Variants in SPSB2 observed in about 807,000 individuals in gnomAD.
The protein encoded by SPSB2 is splA/ryanodine receptor domain and SOCS box containing 2.
Under a neutral mutation model 19.2 loss-of-function variants are expected in SPSB2, and 25 were observed. The observed-to-expected ratio is 1.30, with a 90% CI of 0.95 to 1.82. The LOEUF is 1.82. Ranked by LOEUF, SPSB2 falls within the 40% of genes most tolerant of loss-of-function variation. The probability of loss-of-function intolerance (pLI) is 0.00; values close to 1 mark genes in which losing one functional copy is unlikely to be tolerated. For synonymous variants in SPSB2, 153 were observed against 154.9 expected (o/e 0.99, Z 0.09); for missense variants, 413 against 344.9 (o/e 1.20, Z -1.56).
rs1252890531 is a variant in SPSB2 at position 6,873,105 on chromosome 12, G to GCCC, written c.-96-111_-96-109dup. ...ACGGGCCCGCTCCTCCCTCCTCGCT[G>GCCC]CCCCAAAGCTCCTGGGCCCTTCATC... On this transcript the variant is annotated intron_variant, in intron 1 of 2. Coordinates refer to ENST00000524270, the MANE Select transcript of SPSB2 (RefSeq NM_032641.4). 3 of 554,224 alleles carry GCCC rather than the reference G, an allele frequency of 5.4e-6. No homozygotes were observed. In the African/African-American group the frequency reaches 5.6e-5, roughly 10 times the overall value. 34.3% of individuals were successfully genotyped at this position (554,224 alleles called of 1,614,324 possible).
Position 6,871,318 on chromosome 12 carries a change from C to G in SPSB2, c.666G>C (p.Ala222=). The change falls in exon 3 of 3, where the codon GCG becomes GCC. Residue 222 remains alanine, a splice_region_variant and synonymous_variant. Coordinates refer to ENST00000524270, the MANE Select transcript of SPSB2 (RefSeq NM_032641.4). ...TCAGGTGCAGAAGGGAGTGTGGCTC[C>G]GCTGGGAGAGAGAAGGAGGGGAATG... ...VRIRYLGERR[A]EPHSLLHLSR... 2 of 1,612,276 alleles carry G rather than the reference C, an allele frequency of 1.2e-6. No individual in the cohort carries two copies. Among genetic ancestry groups the G allele is most frequent in the Middle Eastern group, 3.3e-4 (2 of 6,052 alleles).
chr12:6,872,570 G>C lies in SPSB2; in HGVS notation c.332C>G (p.Ala111Gly), dbSNP rs782373054. 6.2e-7 allele frequency: 1 copy of C among 1,608,572 alleles called. No homozygotes were observed. The change falls in exon 2 of 3, where the codon GCC (alanine) becomes GGC (glycine). Residue 111 changes from alanine to glycine, a missense_variant. Ala to Gly is a moderately conservative substitution (Grantham distance 60). Coordinates refer to ENST00000524270, the MANE Select transcript of SPSB2 (RefSeq NM_032641.4). ...GTGGTCAGTCTGCAGCGGGGCGAGG[G>C]CCGTGGCCACGCCCACCACGGCATG... Reference protein sequence around the residue: ...GTHAVVGVATALAPLQTDHYA... With the variant: ...GTHAVVGVATGLAPLQTDHYA...
chr12:6,871,241 G>GAC lies in SPSB2; in HGVS notation c.741_742dup (p.Ser248CysfsTer10), dbSNP rs1555133314. Reference sequence around the variant, plus strand: ...CATGGCAGGGGGCAAGGGCAGGGCAGACACCTGGCCGAGCCGGGTATCCCC... The same window carrying GAC: ...CATGGCAGGGGGCAAGGGCAGGGCAGACACACCTGGCCGAGCCGGGTATCCCC... On this transcript the variant is annotated frameshift_variant, in exon 3 of 3. Coordinates refer to ENST00000524270, the MANE Select transcript of SPSB2 (RefSeq NM_032641.4). LOFTEE classifies it high-confidence loss of function. 6.2e-7 allele frequency: 1 copy of GAC among 1,612,930 alleles called. No homozygotes were observed. Among genetic ancestry groups the GAC allele is most frequent in the Non-Finnish European group, 8.5e-7 (1 of 1,179,498 alleles).
In SPSB2 at chr12:6,871,252, G is replaced by C. The variant is rs782625239; in HGVS notation, c.732C>G (p.Leu244=). 2 of 1,613,602 alleles carry C rather than the reference G, an allele frequency of 1.2e-6. No homozygotes were observed. The highest frequency in any genetic ancestry group is 1.7e-6 in the Non-Finnish European group (2 of 1,179,818). The change falls in exon 3 of 3, where the codon CTC becomes CTG. Residue 244 remains leucine, a synonymous_variant. Transcript: ENST00000524270. ...GCAAGGGCAGGGCAGACACCTGGCC[G>C]AGCCGGGTATCCCCCAGGTTGTGGC... ...CVRHNLGDTR[L]GQVSALPLPP... is the part of the protein sequence containing the mutation.
In SPSB2 at chr12:6,872,586, C is replaced by G; in HGVS notation, c.316G>C (p.Val106Leu). ...GGGGCGAGGGCCGTGGCCACGCCCA[C>G]CACGGCATGCGTGCCCCTCTGCTCT... Reference protein sequence around the residue: ...PLEQRGTHAVVGVATALAPLQ... With the variant: ...PLEQRGTHAVLGVATALAPLQ... Residue 106 changes from valine (V) to leucine (L), a missense_variant, in exon 2 of 3, where the codon GTG (valine) becomes CTG (leucine). Transcript: ENST00000524270. The G allele has an allele frequency of 6.2e-7, 1 of 1,608,044 alleles. No individual in the cohort carries two copies. The highest frequency in any genetic ancestry group is 8.5e-7 in the Non-Finnish European group (1 of 1,178,758).
intron 2 of SPSB2, 131 bp from the exon 3 acceptor site, chr12:6,871,450 T>C: frequency 1.0e-6 from 1 of 998,596 alleles, no homozygotes; most frequent in East Asian, 2.6e-5. Context: ...GAAAGGGGAA[T>C]TTGAGATACC....
rs782387142 is a variant in SPSB2 at position 6,872,652 on chromosome 12, A to T, written c.250T>A (p.Tyr84Asn). 2 of 1,612,098 alleles carry T rather than the reference A, an allele frequency of 1.2e-6. No homozygotes were observed. Among genetic ancestry groups the T allele is most frequent in the Non-Finnish European group, 1.7e-6 (2 of 1,179,970 alleles). ...TCCCAGGCGTGCAGGCCCCTTGAAT[A>T]GCCCCTCTTACCCCGGGCCCCATCA... ...STDGARGKRG[Y>N]SRGLHAWEIS... is the part of the protein sequence containing the mutation. The change falls in exon 2 of 3, where the codon TAT becomes AAT. Residue 84 changes from tyrosine (Y) to asparagine (N), a missense_variant. Coordinates refer to ENST00000524270, the MANE Select transcript of SPSB2 (RefSeq NM_032641.4).
In SPSB2 at chr12:6,872,651, T is replaced by TAGCC. The variant is rs782432201; in HGVS notation, c.247_250dup (p.Tyr84TrpfsTer36). 1 of 1,612,086 alleles carries TAGCC rather than the reference T, an allele frequency of 6.2e-7. No homozygotes were observed. The highest frequency in any genetic ancestry group is 1.7e-5 in the Admixed American group (1 of 60,028). On this transcript the variant is annotated frameshift_variant, in exon 2 of 3. Coordinates refer to ENST00000524270, the MANE Select transcript of SPSB2 (RefSeq NM_032641.4). LOFTEE classifies it high-confidence loss of function. ...CTCCCAGGCGTGCAGGCCCCTTGAATAGCCCCTCTTACCCCGGGCCCCATC... is the reference window on the plus strand; with the variant it reads ...CTCCCAGGCGTGCAGGCCCCTTGAATAGCCAGCCCCTCTTACCCCGGGCCCCATC...
intron 2 of SPSB2, chr12:6,872,020 A>T: frequency 6.8e-7 from 1 of 1,469,624 alleles, no homozygotes; most frequent in Non-Finnish European, 9.0e-7. Flanking sequence ...GGCCAAGAGA[A>T]CTTGAGAAAG....
In SPSB2 at chr12:6,872,679, T is replaced by C; in HGVS notation, c.223A>G (p.Thr75Ala). 1 of 1,612,626 alleles carries C rather than the reference T, an allele frequency of 6.2e-7. No homozygotes were observed. The highest frequency in any genetic ancestry group is 1.1e-5 in the South Asian group (1 of 91,090). Residue 75 changes from threonine to alanine, a missense_variant, in exon 2 of 3, where the codon ACT becomes GCT. Physicochemically the swap from Thr to Ala is moderately conservative, Grantham distance 58. Coordinates refer to ENST00000524270, the MANE Select transcript of SPSB2 (RefSeq NM_032641.4). ...CCCCTCTTACCCCGGGCCCCATCAG[T>C]GCTCTGGGCCACGGGCCGCCGCTCA... Reference protein sequence around the residue: ...YFERRPVAQSTDGARGKRGYS... With the variant: ...YFERRPVAQSADGARGKRGYS...
chr12:6,873,072 G>A, intron 1 of SPSB2, 75 bp from the exon 2 acceptor site: 1 of 568,980 alleles, frequency 1.8e-6, no homozygotes, highest in Non-Finnish European at 3.1e-6. Flanking sequence ...TTTCACCCAA[G>A]TTTGCCAACG....
Position 6,871,093 on chromosome 12 carries a change from C to A in SPSB2, c.*99G>T. 6.8e-7 allele frequency: 1 copy of A among 1,481,178 alleles called. No individual in the cohort carries two copies. Among genetic ancestry groups the A allele is most frequent in the South Asian group, 1.2e-5 (1 of 81,848 alleles). 91.8% of individuals were successfully genotyped at this position (1,481,178 alleles called of 1,614,324 possible). On this transcript the variant is annotated 3_prime_UTR_variant, in exon 3 of 3. Coordinates refer to ENST00000524270, the MANE Select transcript of SPSB2 (RefSeq NM_032641.4). ...GGGTTGGGGTAGGGGCTCAGCCTCA[C>A]CAGCTTTCAGCAGCTGGTCTAGGCC... is the stretch of plus-strand genomic sequence containing the variant.
At chr12:6,871,847 A>C in intron 2 of SPSB2, 1 of 596,432 alleles carries the variant, frequency 1.7e-6, no homozygotes, top group Non-Finnish European at 2.8e-6. Context: ...AGCCCAGGGA[A>C]TCCGGTATAC....
In SPSB2 at chr12:6,871,228, C is replaced by A; in HGVS notation, c.756G>T (p.Leu252Phe). 6.2e-7 allele frequency: 1 copy of A among 1,611,636 alleles called. No homozygotes were observed. The highest frequency in any genetic ancestry group is 8.5e-7 in the Non-Finnish European group (1 of 1,178,956). The change falls in exon 3 of 3, where the codon TTG (leucine) becomes TTT (phenylalanine). Residue 252 changes from leucine to phenylalanine, a missense_variant. Coordinates refer to ENST00000524270, the MANE Select transcript of SPSB2 (RefSeq NM_032641.4). The part of the protein sequence containing the change: ...TRLGQVSALP[L>F]PPAMKRYLLY... ...GCAGGTAGCGCTTCATGGCAGGGGGCAAGGGCAGGGCAGACACCTGGCCGA... is the reference window on the plus strand; with the variant it reads ...GCAGGTAGCGCTTCATGGCAGGGGGAAAGGGCAGGGCAGACACCTGGCCGA...
chr12:6,872,197 C>T (rs369021328), intron 2 of SPSB2, 41 bp downstream of exon 2: 3 of 1,613,860 alleles, frequency 1.9e-6, no homozygotes, highest in Non-Finnish European at 1.7e-6. Context: ...CCACTGCCAC[C>T]AGGGACAGAA....
chr12:6,873,196 C>T (rs1160027181), intron 1 of SPSB2, 50 bp downstream of exon 1: 3 of 351,930 alleles, frequency 8.5e-6, no homozygotes, highest in African/African-American at 6.3e-5. Flanking sequence ...TGGGCCTCAG[C>T]ATGGACCATC....
chr12:6,873,008 A>G lies in SPSB2; in HGVS notation c.-96-11T>C. ...TGACCTGGAAGGGAGCTGGGAGAAA[A>G]GGGGCGTGAAGAGCAGAATCCTGGC... is the stretch of plus-strand genomic sequence containing the variant. On this transcript the variant is annotated splice_polypyrimidine_tract_variant and intron_variant, in intron 1 of 2. Coordinates refer to ENST00000524270, the MANE Select transcript of SPSB2 (RefSeq NM_032641.4). 3 of 758,242 alleles carry G rather than the reference A, an allele frequency of 4.0e-6. No homozygotes were observed. The highest frequency in any genetic ancestry group is 4.2e-6 in the Non-Finnish European group (2 of 475,088). The allele number at this position is 758,242 out of a possible 1,614,324, so 47.0% of individuals were successfully genotyped here.
chr12:6,871,533 C>T (rs1361948699), intron 2 of SPSB2: 1 of 604,764 alleles, frequency 1.7e-6, no homozygotes, highest in South Asian at 2.0e-5. Flanking sequence ...TGGCTAAGGC[C>T]CTCTAAACAA....
chr12:6,871,907 A>G, intron 2 of SPSB2: 2 of 1,204,682 alleles, frequency 1.7e-6, no homozygotes, highest in Non-Finnish European at 2.2e-6. Context: ...TGTACATCAA[A>G]CCCAGTACCT....
Sources: allele counts gnomAD v4.1 joint callset, GRCh38; gene constraint gnomAD v4.1.1; transcripts MANE v1.5; gene names NCBI Gene and HGNC (gene_info 2026-07-23, HGNC 2026-07-21).